TPRG1: variants seen among roughly 807,000 people sequenced by gnomAD.
TPRG1 encodes tumor protein p63 regulated 1, also known as tumor protein p63-regulated gene 1 protein.
TPRG1 carries 29 observed loss-of-function variants against 29.3 expected under a neutral mutation model. The observed-to-expected ratio is 0.99, with a 90% CI of 0.74 to 1.35. The LOEUF is 1.35. TPRG1 is among the 40% of genes most tolerant of loss of function. The pLI, the probability that TPRG1 is intolerant of heterozygous loss-of-function variation, is 0.00. For missense variants in TPRG1, 327 were observed against 335.0 expected (o/e 0.98, Z 0.19); for synonymous variants, 130 against 116.8 (o/e 1.11, Z -0.73).
intron 3 of TPRG1, chr3:189,219,551 T>A: frequency 3.3e-6 from 4 of 1,197,052 alleles, no homozygotes; most frequent in Non-Finnish European, 4.3e-6. Context: ...TTAAAAAAAC[T>A]ATGTGTTTGC....
rs138487248 is a variant in TPRG1 at position 189,250,365 on chromosome 3, A to G, written c.479+11456A>G. 5.4e-3 allele frequency among the ~76,000 whole-genome samples: 819 copies of G among 152,156 alleles called. 9 individuals carry two copies. The highest frequency in any genetic ancestry group is 0.019 in the African/African-American group (785 of 41,510). ...GTCCCACTTTTACAACTGTTACTTT[A>G]TTTGTTCATCTATTAAAAGGTGACA... On this transcript the variant is annotated intron_variant, in intron 4 of 5. Transcript: ENST00000345063.
chr3:189,027,526 T>C (rs1441475677), intron 4 of TPRG1, among the ~76,000 whole-genome samples: 1 of 152,206 alleles, frequency 6.6e-6, no homozygotes, highest in Non-Finnish European at 1.5e-5. Flanking sequence ...GCATGGTGTA[T>C]GCAAGACAAG....
intron 3 of TPRG1, among the ~76,000 whole-genome samples, chr3:189,016,887 C>T (rs889059930): frequency 2.0e-5 from 3 of 152,118 alleles, no homozygotes; most frequent in African/African-American, 7.2e-5. Context: ...CTCTTTTCTT[C>T]ATAAATTACT....
At chr3:189,034,497 A>C (rs1714135127) in intron 4 of TPRG1, among the ~76,000 whole-genome samples, 2 of 152,220 alleles carry the variant, frequency 1.3e-5, no homozygotes, top group African/African-American at 4.8e-5. Context: ...TGGCAACATA[A>C]ACAATATATC....
intron 4 of TPRG1, among the ~76,000 whole-genome samples, chr3:189,068,942 T>C (rs1482433070): frequency 6.6e-6 from 1 of 152,174 alleles, no homozygotes. Context: ...TTGTGGAAGC[T>C]AAACGTTAAA....
At chr3:189,030,104 A>G (rs1014789764) in intron 4 of TPRG1, among the ~76,000 whole-genome samples, 30 of 152,156 alleles carry the variant, frequency 2.0e-4, no homozygotes, top group African/African-American at 6.5e-4. Context: ...TTTTGCCTGA[A>G]CATTTCTGAT....
intron 4 of TPRG1, among the ~76,000 whole-genome samples, chr3:189,287,719 G>A (rs549652684): frequency 9.2e-5 from 14 of 152,194 alleles, no homozygotes; most frequent in African/African-American, 2.6e-4. Flanking sequence ...TAAAGATGCC[G>A]AGTTAATATT....
intron 4 of TPRG1, among the ~76,000 whole-genome samples, chr3:189,069,303 A>C (rs1716664576): frequency 6.6e-6 from 1 of 152,190 alleles, no homozygotes; most frequent in Non-Finnish European, 1.5e-5. Flanking sequence ...TAAAATACAT[A>C]CTTTTAGAAA....
At chr3:189,023,139 G>A (rs1345998714) in intron 3 of TPRG1, among the ~76,000 whole-genome samples, 2 of 152,196 alleles carry the variant, frequency 1.3e-5, no homozygotes. Context: ...GCACTCCCTA[G>A]TGAGATGAAC....
intron 4 of TPRG1, among the ~76,000 whole-genome samples, chr3:189,064,708 G>A (rs927503396): frequency 2.0e-5 from 3 of 152,050 alleles, no homozygotes; most frequent in Non-Finnish European, 4.4e-5. Flanking sequence ...GATAGATGCT[G>A]CAGCCATTAC....
intron 3 of TPRG1, among the ~76,000 whole-genome samples, chr3:189,227,947 C>T (rs1012677166): frequency 6.6e-6 from 1 of 152,112 alleles, no homozygotes; most frequent in African/African-American, 2.4e-5. Flanking sequence ...CATGGTGAAA[C>T]CCCTTCTCTA....
At chr3:189,177,614 A>G (rs1182613397) in intron 1 of TPRG1, among the ~76,000 whole-genome samples, 3 of 151,894 alleles carry the variant, frequency 2.0e-5, no homozygotes, top group African/African-American at 7.3e-5. Flanking sequence ...GGAGAGGTTT[A>G]TGGACTGACT....
rs114569370 is a variant in TPRG1 at position 189,240,831 on chromosome 3, T to A, written c.479+1922T>A. On this transcript the variant is annotated intron_variant, in intron 4 of 5. Coordinates refer to ENST00000345063, the MANE Select transcript of TPRG1 (RefSeq NM_198485.4). ...AAGTACATATCTACACACATATTTA[T>A]TACATATTATTTTACCTAATGAAAG... Among the ~76,000 whole-genome samples, 1,461 of 152,320 alleles carry A rather than the reference T, an allele frequency of 9.6e-3. 17 individuals carry two copies. The highest frequency in any genetic ancestry group is 0.033 in the African/African-American group (1,389 of 41,580).
intron 3 of TPRG1, among the ~76,000 whole-genome samples, chr3:189,016,101 G>T (rs1712918516): frequency 6.6e-6 from 1 of 152,052 alleles, no homozygotes; most frequent in Non-Finnish European, 1.5e-5. Flanking sequence ...CAGCCAAGAG[G>T]CCTGTACCCT....
intron 4 of TPRG1, among the ~76,000 whole-genome samples, chr3:189,262,609 G>A (rs1238369710): frequency 1.3e-5 from 2 of 152,170 alleles, no homozygotes; most frequent in Non-Finnish European, 2.9e-5. Flanking sequence ...TTACAAAAGT[G>A]GAAAGCACTT....
At chr3:189,116,986 T>A (rs990934322) in intron 1 of TPRG1, among the ~76,000 whole-genome samples, 2 of 152,298 alleles carry the variant, frequency 1.3e-5, no homozygotes, top group South Asian at 2.1e-4. Context: ...CTAAAAAAAA[T>A]TTTCTCAAAG....
intron 2 of TPRG1, among the ~76,000 whole-genome samples, chr3:189,209,644 G>A (rs1419650021): frequency 6.6e-6 from 1 of 152,160 alleles, no homozygotes. Context: ...AATGTTAGTG[G>A]AAGGGCTGCA....
chr3:189,062,448 A>G (rs1405424778), intron 4 of TPRG1, among the ~76,000 whole-genome samples: 1 of 152,192 alleles, frequency 6.6e-6, no homozygotes, highest in Non-Finnish European at 1.5e-5. Context: ...TAAAACTTTA[A>G]AAAAAGAAAA....
chr3:189,111,725 A>C (rs2152208548), intron 1 of TPRG1, among the ~76,000 whole-genome samples: 1 of 152,276 alleles, frequency 6.6e-6, no homozygotes, highest in East Asian at 1.9e-4. Context: ...CCTTTGCTAA[A>C]ATCACTTATT....
Sources: allele counts gnomAD v4.1 joint callset (sites outside exome capture counted in the v4.1 genomes callset), GRCh38; gene constraint gnomAD v4.1.1; transcripts MANE v1.5; gene names NCBI Gene and HGNC (gene_info 2026-07-23, HGNC 2026-07-21).